Variants in EPB41L2 observed in about 807,000 individuals in gnomAD.
EPB41L2 encodes erythrocyte membrane protein band 4.1 like 2.
Under a neutral mutation model 113.0 loss-of-function variants are expected in EPB41L2, and 43 were observed. That is an observed-to-expected ratio of 0.38 (90% confidence interval 0.30 to 0.49). EPB41L2 has a LOEUF of 0.49. Ranked by LOEUF, EPB41L2 falls within the 20% of genes least tolerant of loss-of-function variation. The pLI is 0.95. For synonymous variants in EPB41L2, 442 were observed against 436.7 expected (o/e 1.01, Z -0.15); for missense variants, 1,147 against 1,223.4 (o/e 0.94, Z 0.93).
chr6:131,050,841 G>A (rs1349941743), intron 1 of EPB41L2, among the ~76,000 whole-genome samples: 4 of 152,092 alleles, frequency 2.6e-5, no homozygotes, highest in Admixed American at 6.5e-5. Context: ...TGATCTGTCC[G>A]CCTTGGCCTC....
At chr6:130,892,333 T>A (rs1793162503) in intron 10 of EPB41L2, among the ~76,000 whole-genome samples, 1 of 150,476 alleles carries the variant, frequency 6.6e-6, no homozygotes, top group Non-Finnish European at 1.5e-5. Flanking sequence ...TATAAAGCAA[T>A]CAATTCTGTG....
chr6:130,973,570 GA>G (rs1179961422), intron 1 of EPB41L2, among the ~76,000 whole-genome samples: 1 of 152,164 alleles, frequency 6.6e-6, no homozygotes, highest in African/African-American at 2.4e-5. Flanking sequence ...AAGCTAAAGG[GA>G]AAAGTCAAGC....
intron 2 of EPB41L2, 41 bp downstream of exon 2, chr6:130,955,953 C>T (rs527988057): frequency 1.1e-5 from 17 of 1,579,196 alleles, no homozygotes; most frequent in South Asian, 8.3e-5. Context: ...TGTGGTTACG[C>T]TATCAGGTTT....
At chr6:130,862,351 C>T (rs1276274865) in intron 18 of EPB41L2, among the ~76,000 whole-genome samples, 1 of 152,120 alleles carries the variant, frequency 6.6e-6, no homozygotes, top group East Asian at 1.9e-4. Context: ...TTGCACTTTC[C>T]ACCATGCCAA....
intron 1 of EPB41L2, among the ~76,000 whole-genome samples, chr6:130,975,823 A>C (rs995620143): frequency 1.3e-5 from 2 of 152,164 alleles, no homozygotes; most frequent in Non-Finnish European, 2.9e-5. Flanking sequence ...CAGGAGTTCA[A>C]GACCATCCTG....
At chr6:130,983,589 T>C (rs992974494) in intron 1 of EPB41L2, among the ~76,000 whole-genome samples, 1 of 151,062 alleles carries the variant, frequency 6.6e-6, no homozygotes, top group African/African-American at 2.4e-5. Context: ...AGTACAGTGG[T>C]GTGATCATGG....
Position 130,955,091 on chromosome 6 carries a change from G to C in EPB41L2, c.705+14C>G. Reference sequence around the variant, plus strand: ...CACATATCAAGCTAGCTCTCACTCAGCTCCCTATCTCACCTCCAGGTCACA... The same window carrying C: ...CACATATCAAGCTAGCTCTCACTCACCTCCCTATCTCACCTCCAGGTCACA... On this transcript the variant is annotated intron_variant, in intron 3 of 19. Coordinates refer to ENST00000337057, the MANE Select transcript of EPB41L2 (RefSeq NM_001431.4). 6.2e-7 allele frequency: 1 copy of C among 1,611,144 alleles called. No individual in the cohort carries two copies. Among genetic ancestry groups the C allele is most frequent in the South Asian group, 1.1e-5 (1 of 90,960 alleles).
intron 4 of EPB41L2, among the ~76,000 whole-genome samples, chr6:130,914,104 C>T (rs551419079): frequency 3.9e-5 from 6 of 152,310 alleles, no homozygotes; most frequent in Admixed American, 2.0e-4. Flanking sequence ...CATTCCTTGG[C>T]TTCTTTAAGC....
At chr6:131,026,827 T>C (rs1411209737) in intron 1 of EPB41L2, among the ~76,000 whole-genome samples, 1 of 152,158 alleles carries the variant, frequency 6.6e-6, no homozygotes, top group East Asian at 1.9e-4. Flanking sequence ...CCCTCTACGG[T>C]ATGTGCAAGA....
chr6:131,032,921 T>C (rs1043371072), intron 1 of EPB41L2, among the ~76,000 whole-genome samples: 2 of 152,134 alleles, frequency 1.3e-5, no homozygotes, highest in Non-Finnish European at 2.9e-5. Flanking sequence ...TCCCAGCACT[T>C]TGGGAGTGCA....
rs562721004 is a variant in EPB41L2 at position 131,046,688 on chromosome 6, T to C, written c.-15+16467A>G. Among the ~76,000 whole-genome samples, 28 of 152,296 alleles carry C rather than the reference T, an allele frequency of 1.8e-4. No homozygotes were observed. The South Asian group carries it at 5.0e-3, about 27-fold the overall frequency. ...GTCAACATTCCAGATAGACTCAACA[T>C]TCCATTTCTTTTTTAAGGGGGAAGA... On this transcript the variant is annotated intron_variant, in intron 1 of 19. Transcript: ENST00000337057.
intron 1 of EPB41L2, among the ~76,000 whole-genome samples, chr6:130,962,436 T>C (rs907348393): frequency 1.3e-5 from 2 of 152,162 alleles, no homozygotes; most frequent in Non-Finnish European, 2.9e-5. Flanking sequence ...GTCTAGAAAA[T>C]ACCATACTTC....
At chr6:130,942,778 T>C (rs1363731476) in intron 3 of EPB41L2, among the ~76,000 whole-genome samples, 1 of 152,094 alleles carries the variant, frequency 6.6e-6, no homozygotes, top group African/African-American at 2.4e-5. Context: ...CAGGCCCTGG[T>C]GTGTGATGTT....
At chr6:130,958,453 AAAC>A (rs200679204) in intron 1 of EPB41L2, among the ~76,000 whole-genome samples, 37 of 143,764 alleles carry the variant, frequency 2.6e-4, no homozygotes, top group South Asian at 4.7e-4. Context: ...CCCTGTCTCA[AAAC>A]AACAACAACA....
At chr6:130,931,451 G>T (rs1023828299) in intron 3 of EPB41L2, among the ~76,000 whole-genome samples, 1 of 151,980 alleles carries the variant, frequency 6.6e-6, no homozygotes. Context: ...TGCTTTGGAG[G>T]CTTATTCAAA....
chr6:130,847,447 G>T (rs1253669160), intron 19 of EPB41L2, among the ~76,000 whole-genome samples: 1 of 151,954 alleles, frequency 6.6e-6, no homozygotes, highest in Non-Finnish European at 1.5e-5. Flanking sequence ...TCATAATATA[G>T]ATTAATGAAT....
At chr6:130,901,302 T>A in intron 6 of EPB41L2, 122 bp from the exon 7 acceptor site, 2 of 760,332 alleles carry the variant, frequency 2.6e-6, no homozygotes, top group Admixed American at 2.8e-5. Context: ...ACTCTTCATA[T>A]AAACAGCAAA....
At chr6:131,051,914 G>A (rs1265220019) in intron 1 of EPB41L2, among the ~76,000 whole-genome samples, 1 of 151,188 alleles carries the variant, frequency 6.6e-6, no homozygotes, top group Non-Finnish European at 1.5e-5. Flanking sequence ...AAATTAGGAT[G>A]TAGCCTGTGC....
chr6:130,891,351 C>A (rs1238707091), intron 10 of EPB41L2, among the ~76,000 whole-genome samples: 3 of 151,994 alleles, frequency 2.0e-5, no homozygotes, highest in Non-Finnish European at 4.4e-5. Context: ...AAAAAAGAAT[C>A]CCTGTACAAC....
Sources: allele counts gnomAD v4.1 joint callset (sites outside exome capture counted in the v4.1 genomes callset), GRCh38; gene constraint gnomAD v4.1.1; transcripts MANE v1.5; gene names NCBI Gene and HGNC (gene_info 2026-07-23, HGNC 2026-07-21).